USHBP1: variants seen among roughly 807,000 people sequenced by gnomAD.
USHBP1 encodes the protein harmonin-binding protein USHBP1.
A neutral mutation model predicts 76.2 loss-of-function variants in USHBP1; 67 were observed. The observed-to-expected ratio is 0.88, with a 90% confidence interval of 0.72 to 1.08. The LOEUF (loss-of-function observed/expected upper bound fraction) is 1.08. Among genes scored for constraint, USHBP1 ranks in the 50% least tolerant of loss-of-function variants. USHBP1 has a pLI of 0.00. For synonymous variants in USHBP1, 322 were observed against 362.2 expected (o/e 0.89, Z 1.26); for missense variants, 931 against 915.0 (o/e 1.02, Z -0.23).
At chr19:17,253,181 G>A (rs964961069) in intron 10 of USHBP1, among the ~76,000 whole-genome samples, 2 of 151,976 alleles carry the variant, frequency 1.3e-5, no homozygotes, top group South Asian at 2.1e-4. Flanking sequence ...TGTTAGCGAG[G>A]ATGGTCTCGA....
At chr19:17,251,758 A>T in intron 11 of USHBP1, 54 bp from the exon 12 acceptor site, 1 of 1,605,964 alleles carries the variant, frequency 6.2e-7, no homozygotes, top group Non-Finnish European at 8.5e-7. Flanking sequence ...CCTGTTTCCC[A>T]GGTCTCCTCC....
intron 8 of USHBP1, among the ~76,000 whole-genome samples, chr19:17,258,004 T>A (rs2073640949): frequency 6.6e-6 from 1 of 152,150 alleles, no homozygotes. Context: ...CCAACTGCAA[T>A]GTCTGTCAAC....
At chr19:17,254,669 A>G (rs529367610) in intron 10 of USHBP1, among the ~76,000 whole-genome samples, 3 of 151,772 alleles carry the variant, frequency 2.0e-5, no homozygotes, top group African/African-American at 7.2e-5. Context: ...AAAAAAAAAA[A>G]AGAGATGAGG....
rs377363642 is a variant in USHBP1 at position 17,250,434 on chromosome 19, G to A, written c.1923-20C>T. 312 of 1,605,012 alleles carry A rather than the reference G, an allele frequency of 1.9e-4. No homozygotes were observed. Among genetic ancestry groups the A allele is most frequent in the Non-Finnish European group, 2.6e-4 (306 of 1,178,442 alleles). ...AGGGCGCTGGAAGGGGTGGGTGGCT[G>A]GGTCAGGAAACAGCCCCCGAGTCCA... On this transcript the variant is annotated intron_variant, in intron 12 of 12. Transcript: ENST00000252597.
Position 17,250,326 on chromosome 19 carries a change from G to A in USHBP1, c.2011C>T (p.Gln671Ter), listed in dbSNP as rs762819371. Residue 671 changes from glutamine (Q) to a stop codon, truncating the protein, a stop_gained, in exon 13 of 13, where the codon CAG becomes TAG. Transcript: ENST00000252597. LOFTEE classifies it low-confidence loss of function (END_TRUNC). The part of the protein sequence containing the change: ...LEQQMALMEA[Q>*]QAEEVAVLEA... The stretch of plus-strand genomic sequence containing the variant: ...AGCACCGCCACCTCCTCGGCCTGCT[G>A]AGCCTCCATGAGTGCCATCTGCTGC... The A allele has an allele frequency of 3.1e-6, 5 of 1,613,402 alleles. No individual in the cohort carries two copies. The Admixed American group carries it at 6.7e-5, about 22-fold the overall frequency.
intron 9 of USHBP1, 69 bp downstream of exon 9, chr19:17,256,401 TC>T: frequency 1.9e-6 from 3 of 1,585,394 alleles, no homozygotes; most frequent in Non-Finnish European, 8.5e-7. Flanking sequence ...TGCTCCTTGG[TC>T]CCCCGACCTC....
intron 10 of USHBP1, among the ~76,000 whole-genome samples, chr19:17,253,701 C>G (rs1366813597): frequency 6.7e-6 from 1 of 149,078 alleles, no homozygotes; most frequent in Non-Finnish European, 1.5e-5. Context: ...TGAGAGCAGC[C>G]TGGCCAACAT....
rs778753030 is a variant in USHBP1 at position 17,256,658 on chromosome 19, T to C, written c.1283A>G (p.Tyr428Cys). The part of the protein sequence containing the change: ...PQEVAFQLRS[Y>C]VQRLQERRSL... ...ACGGCGCTCCTGGAGACGCTGGACA[T>C]AGCTTCGGAGCTGGAAAGCCACTTC... The change falls in exon 9 of 13, where the codon TAT becomes TGT. Residue 428 changes from tyrosine (Y) to cysteine (C), a missense_variant. Coordinates refer to ENST00000252597, the MANE Select transcript of USHBP1 (RefSeq NM_031941.4). 1.9e-6 allele frequency: 3 copies of C among 1,614,218 alleles called. No individual in the cohort carries two copies. In the South Asian group the frequency reaches 3.3e-5, roughly 18 times the overall value.
Position 17,256,661 on chromosome 19 carries a change from C to T in USHBP1, c.1280G>A (p.Ser427Asn), listed in dbSNP as rs1271287698. 1 of 1,614,118 alleles carries T rather than the reference C, an allele frequency of 6.2e-7. No individual in the cohort carries two copies. Among genetic ancestry groups the T allele is most frequent in the Non-Finnish European group, 8.5e-7 (1 of 1,180,058 alleles). ...TPQEVAFQLR[S>N]YVQRLQERRS... is the part of the protein sequence containing the mutation. Reference sequence around the variant, plus strand: ...GCGCTCCTGGAGACGCTGGACATAGCTTCGGAGCTGGAAAGCCACTTCCTG... The same window carrying T: ...GCGCTCCTGGAGACGCTGGACATAGTTTCGGAGCTGGAAAGCCACTTCCTG... Residue 427 changes from serine (S) to asparagine (N), a missense_variant, in exon 9 of 13, where the codon AGC (serine) becomes AAC (asparagine). By Grantham distance (46) the Ser-to-Asn change is conservative. Coordinates refer to ENST00000252597, the MANE Select transcript of USHBP1 (RefSeq NM_031941.4).
At chr19:17,256,415 TAA>T in intron 9 of USHBP1, 54 bp downstream of exon 9, 1 of 1,601,400 alleles carries the variant, frequency 6.2e-7, no homozygotes, top group African/African-American at 1.3e-5. Flanking sequence ...CCGACCTCAG[TAA>T]AGGATTTTGT....
chr19:17,258,708 CAAA>C (rs34398867), intron 7 of USHBP1: 664 of 94,866 alleles, frequency 7.0e-3, no homozygotes, highest in South Asian at 0.012. Flanking sequence ...GACTCTGTCT[CAAA>C]AAAAAAAAAA....
At chr19:17,257,640 C>A in intron 8 of USHBP1, among the ~76,000 whole-genome samples, 1 of 117,922 alleles carries the variant, frequency 8.5e-6, no homozygotes, top group East Asian at 2.6e-4. Context: ...GAAACTCTGT[C>A]TCAAAAAAAA....
intron 10 of USHBP1, among the ~76,000 whole-genome samples, chr19:17,252,315 C>T (rs2073563226): frequency 6.6e-6 from 1 of 152,092 alleles, no homozygotes; most frequent in Non-Finnish European, 1.5e-5. Context: ...CCTGCCTCAG[C>T]CTCCCAAGTA....
chr19:17,249,715 G>C lies in USHBP1; in HGVS notation c.*510C>G, dbSNP rs1297714185. ...TGCCCAGGCTGGTCTTGAACTCCTG[G>C]GCTCAAGTGATCTACCCACCTTGGC... On this transcript the variant is annotated 3_prime_UTR_variant, in exon 13 of 13. Transcript: ENST00000252597. 1 of 154,254 alleles carries C rather than the reference G, an allele frequency of 6.5e-6. No individual in the cohort carries two copies. Among genetic ancestry groups the C allele is most frequent in the East Asian group, 1.9e-4 (1 of 5,198 alleles). 9.6% of individuals were successfully genotyped at this position (154,254 alleles called of 1,614,324 possible).
intron 10 of USHBP1, among the ~76,000 whole-genome samples, chr19:17,252,964 T>G (rs1016000655): frequency 6.6e-6 from 1 of 152,092 alleles, no homozygotes; most frequent in Non-Finnish European, 1.5e-5. Context: ...AATCCTTGTT[T>G]GAAATAATAA....
intron 8 of USHBP1, among the ~76,000 whole-genome samples, chr19:17,257,608 C>T (rs2073635936): frequency 7.0e-6 from 1 of 143,102 alleles, no homozygotes; most frequent in Non-Finnish European, 1.5e-5. Flanking sequence ...GACCATTGGA[C>T]TCTAGCCTGG....
Position 17,258,354 on chromosome 19 carries a change from GCAGAACCCTGTATGCCTCTTCA to G in USHBP1, c.1056_1077del (p.Glu353LeufsTer16), listed in dbSNP as rs767651855. On this transcript the variant is annotated frameshift_variant, in exon 8 of 13. Coordinates refer to ENST00000252597, the MANE Select transcript of USHBP1 (RefSeq NM_031941.4). LOFTEE classifies it high-confidence loss of function. ...CCTGAGTCGGCCTCCCGCAGAGCAA[GCAGAACCCTGTATGCCTCTTCA>G]CAGTGTTCACTGTGGGACACTGGTT... 1 of 1,613,926 alleles carries G rather than the reference GCAGAACCCTGTATGCCTCTTCA, an allele frequency of 6.2e-7. No individual in the cohort carries two copies. The highest frequency in any genetic ancestry group is 8.5e-7 in the Non-Finnish European group (1 of 1,180,026).
At chr19:17,260,785 A>C (rs1050078382) in intron 4 of USHBP1, among the ~76,000 whole-genome samples, 7 of 152,238 alleles carry the variant, frequency 4.6e-5, no homozygotes, top group African/African-American at 1.7e-4. Context: ...TCAAGGGCTA[A>C]AGAGATCTGG....
In USHBP1 at chr19:17,258,387, T is replaced by A. The variant is rs747027498; in HGVS notation, c.1047-2A>T. 2.5e-6 allele frequency: 4 copies of A among 1,612,474 alleles called. No homozygotes were observed. In the Admixed American group the frequency reaches 6.7e-5, roughly 27 times the overall value. On this transcript the variant is annotated splice_acceptor_variant, in intron 7 of 12. Coordinates refer to ENST00000252597, the MANE Select transcript of USHBP1 (RefSeq NM_031941.4). LOFTEE classifies it high-confidence loss of function. The stretch of plus-strand genomic sequence containing the variant: ...CTGTATGCCTCTTCACAGTGTTCAC[T>A]GTGGGACACTGGTTCTGAGTGCTTC...
Sources: gnomAD v4.1 joint callset for allele counts (sites outside exome capture counted in the v4.1 genomes callset) on GRCh38, gnomAD v4.1.1 for gene constraint, MANE v1.5 for transcripts, NCBI Gene and HGNC (gene_info 2026-07-23, HGNC 2026-07-21) for gene names.